The following CDKL3 variants were observed in gnomAD, a reference collection of about 807,000 sequenced individuals.
The protein encoded by CDKL3 is cyclin dependent kinase like 3.
CDKL3 carries 65 observed loss-of-function variants against 69.3 expected under a neutral mutation model. The ratio of observed to expected loss-of-function variants is 0.94; its 90% CI spans 0.77 to 1.15. CDKL3 has a LOEUF of 1.15. CDKL3 is among the 50% of genes most tolerant of loss of function. The probability of loss-of-function intolerance (pLI) is 0.00; values close to 1 mark genes in which losing one functional copy is unlikely to be tolerated. For synonymous variants in CDKL3, 202 were observed against 221.6 expected (o/e 0.91, Z 0.79); for missense variants, 652 against 689.2 (o/e 0.95, Z 0.61).
intron 4 of CDKL3, among the ~76,000 whole-genome samples, chr5:134,327,543 T>C (rs1288322987): frequency 6.6e-6 from 1 of 152,200 alleles, no homozygotes; most frequent in Non-Finnish European, 1.5e-5. Context: ...TCAACCACAG[T>C]ACAGAATGTG....
At chr5:134,329,705 G>A (rs1040692756) in intron 4 of CDKL3, among the ~76,000 whole-genome samples, 2 of 151,900 alleles carry the variant, frequency 1.3e-5, no homozygotes, top group South Asian at 2.1e-4. Flanking sequence ...TCCTGACCTC[G>A]TGATCCACCC....
intron 2 of CDKL3, among the ~76,000 whole-genome samples, chr5:134,361,488 A>C (rs1756003707): frequency 6.6e-6 from 1 of 152,240 alleles, no homozygotes; most frequent in Admixed American, 6.5e-5. Context: ...AAAGTCCTTA[A>C]AACATGACTA....
chr5:134,334,543 T>C (rs1776582136), intron 4 of CDKL3, among the ~76,000 whole-genome samples: 1 of 152,196 alleles, frequency 6.6e-6, no homozygotes, highest in South Asian at 2.1e-4. Flanking sequence ...AAAGAACATC[T>C]TTATGTCTGC....
intron 3 of CDKL3, among the ~76,000 whole-genome samples, chr5:134,355,556 G>A (rs990249859): frequency 2.0e-5 from 3 of 152,118 alleles, no homozygotes; most frequent in Non-Finnish European, 2.9e-5. Context: ...AAGTTATATC[G>A]CAATTCTGAG....
At chr5:134,304,311 C>G in intron 11 of CDKL3, 94 bp downstream of exon 11, 1 of 998,740 alleles carries the variant, frequency 1.0e-6, no homozygotes, top group Non-Finnish European at 1.4e-6. Flanking sequence ...TTACTATTTT[C>G]TACCTAAATC....
chr5:134,283,708 C>A (rs1484953003), downstream of CDKL3, among the ~76,000 whole-genome samples: 1 of 152,114 alleles, frequency 6.6e-6, no homozygotes, highest in Non-Finnish European at 1.5e-5. Flanking sequence ...GCCCTCCCAA[C>A]AGTCCCCCAA....
chr5:134,366,218 C>G lies in CDKL3; in HGVS notation c.165+141G>C, dbSNP rs1757392296. 3 of 604,154 alleles carry G rather than the reference C, an allele frequency of 5.0e-6. No individual in the cohort carries two copies. In the Admixed American group the frequency reaches 1.1e-4, roughly 22 times the overall value. The allele number at this position is 604,154 out of a possible 1,614,324, so 37.4% of individuals were successfully genotyped here. A position where few individuals can be genotyped will look rare whatever the true frequency, so the allele number is the denominator to read the frequency against. ...TATATCTTGTATCACTATAAAATTA[C>G]AAAATGTAGATAAGATAGAGTATTA... On this transcript the variant is annotated intron_variant, in intron 2 of 12. Coordinates refer to ENST00000265334, the MANE Select transcript of CDKL3 (RefSeq NM_001113575.2).
At chr5:134,355,487 C>G (rs1247385108) in intron 3 of CDKL3, among the ~76,000 whole-genome samples, 1 of 152,010 alleles carries the variant, frequency 6.6e-6, no homozygotes, top group African/African-American at 2.4e-5. Flanking sequence ...GGAAGATAGA[C>G]TAGTATGTGC....
At chr5:134,326,931 T>C (rs2149508152) in intron 4 of CDKL3, among the ~76,000 whole-genome samples, 1 of 149,998 alleles carries the variant, frequency 6.7e-6, no homozygotes, top group South Asian at 2.1e-4. Flanking sequence ...ATTTATCCTC[T>C]AAAAACTATG....
chr5:134,292,091 G>T (rs1017134423), intron 8 of CDKL3, among the ~76,000 whole-genome samples: 10 of 152,142 alleles, frequency 6.6e-5, no homozygotes, highest in Non-Finnish European at 1.5e-4. Flanking sequence ...AATCAGTAAA[G>T]ATATGATATT....
intron 5 of CDKL3, among the ~76,000 whole-genome samples, chr5:134,320,708 T>C (rs1772502492): frequency 1.3e-5 from 2 of 151,698 alleles, no homozygotes; most frequent in Admixed American, 1.3e-4. Context: ...ACCCCGTCTC[T>C]GCTAAAAATA....
upstream of CDKL3, among the ~76,000 whole-genome samples, chr5:134,370,197 T>G (rs35518374): frequency 2.6e-5 from 4 of 152,204 alleles, no homozygotes; most frequent in Admixed American, 2.6e-4. Context: ...CTTTACCTGT[T>G]GAACTGAACA....
intron 8 of CDKL3, among the ~76,000 whole-genome samples, chr5:134,289,861 T>C (rs1355699949): frequency 6.6e-6 from 1 of 152,120 alleles, no homozygotes; most frequent in Non-Finnish European, 1.5e-5. Context: ...AAAATGAAAT[T>C]AATACTAACA....
At chr5:134,341,868 C>T (rs907559144) in intron 4 of CDKL3, among the ~76,000 whole-genome samples, 2 of 152,188 alleles carry the variant, frequency 1.3e-5, no homozygotes, top group Non-Finnish European at 2.9e-5. Context: ...CACACCTGGT[C>T]GAACCAATCT....
intron 6 of CDKL3, among the ~76,000 whole-genome samples, chr5:134,314,110 A>G (rs763160441): frequency 6.6e-5 from 10 of 152,188 alleles, no homozygotes; most frequent in Non-Finnish European, 1.2e-4. Context: ...ACGCCATTGC[A>G]CTCCAGCCTG....
At chr5:134,332,884 C>T (rs1475879526) in intron 4 of CDKL3, among the ~76,000 whole-genome samples, 1 of 152,140 alleles carries the variant, frequency 6.6e-6, no homozygotes, top group Non-Finnish European at 1.5e-5. Context: ...CTACCTTGGC[C>T]AGTATGGCCA....
At chr5:134,371,491 G>GCGGCGGCGGCGGCGA, upstream of CDKL3, 1 of 1,438,114 alleles carries the variant, frequency 7.0e-7, no homozygotes, top group Non-Finnish European at 9.4e-7. Context: ...GGCGGCGGCG[G>GCGGCGGCGGCGGCGA]CGGCGGCGGC....
rs551713162 is a variant in CDKL3 at position 134,337,695 on chromosome 5, T to C, written c.539+12554A>G. Among the ~76,000 whole-genome samples, 4 of 152,296 alleles carry C rather than the reference T, an allele frequency of 2.6e-5. No homozygotes were observed. In the East Asian group the frequency reaches 7.7e-4, roughly 29 times the overall value. ...AGACCTTGTTTCTACATTAACATTT[T>C]AAAATTTTAAAAAAATTGGGAAAAT... On this transcript the variant is annotated intron_variant, in intron 4 of 12. Transcript: ENST00000265334.
chr5:134,319,569 G>T, intron 5 of CDKL3, 72 bp from the exon 6 acceptor site: 1 of 1,272,652 alleles, frequency 7.9e-7, no homozygotes, highest in Non-Finnish European at 1.1e-6. Context: ...AAATTGCTAT[G>T]TCATCTATGT....
Sources: allele counts gnomAD v4.1 joint callset (sites outside exome capture counted in the v4.1 genomes callset), GRCh38; gene constraint gnomAD v4.1.1; transcripts MANE v1.5; gene names NCBI Gene and HGNC (gene_info 2026-07-23, HGNC 2026-07-21).